The following PRH1 variants were observed in gnomAD, a reference collection of about 807,000 sequenced individuals.
PRH1 encodes salivary acidic proline-rich phosphoprotein 1/2.
Under a neutral mutation model 7.9 loss-of-function variants are expected in PRH1, and 7 were observed. The observed-to-expected ratio is 0.89, with a 90% CI of 0.50 to 1.67. PRH1 has a LOEUF of 1.67. PRH1 is among the 40% of genes most tolerant of loss of function. The probability of loss-of-function intolerance (pLI) is 0.00; values close to 1 mark genes in which losing one functional copy is unlikely to be tolerated. For synonymous variants in PRH1, 45 were observed against 80.8 expected (o/e 0.56, Z 2.38); for missense variants, 109 against 223.6 (o/e 0.49, Z 3.27).
intron 1 of PRH1, among the ~76,000 whole-genome samples, chr12:11,162,888 C>T (rs1947456764): frequency 6.6e-6 from 1 of 152,272 alleles, no homozygotes. Flanking sequence ...CTTCTTTAGC[C>T]TGAGTCAATC....
intron 1 of PRH1, among the ~76,000 whole-genome samples, chr12:11,114,198 A>T (rs1945668305): frequency 6.6e-6 from 1 of 152,228 alleles, no homozygotes; most frequent in Non-Finnish European, 1.5e-5. Context: ...ATAAAGACAC[A>T]TGCACATGTA....
At chr12:10,952,561 G>A (rs1456373907) in intron 2 of PRH1, among the ~76,000 whole-genome samples, 4 of 152,040 alleles carry the variant, frequency 2.6e-5, no homozygotes, top group Non-Finnish European at 5.9e-5. Flanking sequence ...AGACACTGTG[G>A]TAATTGCACT....
chr12:10,922,984 G>A (rs1303598963), intron 2 of PRH1, among the ~76,000 whole-genome samples: 8 of 148,946 alleles, frequency 5.4e-5, no homozygotes, highest in Non-Finnish European at 1.0e-4. Flanking sequence ...GCCCGCCACC[G>A]CGCCCGGCTA....
At chr12:10,911,813 C>A (rs1949904043) in intron 2 of PRH1, among the ~76,000 whole-genome samples, 1 of 152,126 alleles carries the variant, frequency 6.6e-6, no homozygotes, top group African/African-American at 2.4e-5. Context: ...AAAGTGCACA[C>A]TAATTTAAAA....
At chr12:11,073,828 G>A (rs1166023665) in intron 1 of PRH1, among the ~76,000 whole-genome samples, 1 of 152,184 alleles carries the variant, frequency 6.6e-6, no homozygotes, top group African/African-American at 2.4e-5. Context: ...GCCCGTAGGA[G>A]AGGAGAAAGC....
intron 1 of PRH1, among the ~76,000 whole-genome samples, chr12:10,980,677 C>T (rs1939310527): frequency 1.3e-5 from 2 of 151,884 alleles, no homozygotes; most frequent in Non-Finnish European, 2.9e-5. Context: ...AAAACAAGCC[C>T]GATTGATTAA....
chr12:11,112,774 C>G (rs1313628281), intron 1 of PRH1, among the ~76,000 whole-genome samples: 1 of 152,038 alleles, frequency 6.6e-6, no homozygotes, highest in Non-Finnish European at 1.5e-5. Flanking sequence ...CACTCCTGTT[C>G]AACATAGTAT....
At chr12:11,064,567 A>T (rs1943734982) in intron 1 of PRH1, among the ~76,000 whole-genome samples, 2 of 152,078 alleles carry the variant, frequency 1.3e-5, no homozygotes, top group Non-Finnish European at 2.9e-5. Flanking sequence ...GACATAGAAA[A>T]GTTTAAAAGA....
At chr12:11,138,050 T>C (rs1407959011) in intron 1 of PRH1, among the ~76,000 whole-genome samples, 2 of 152,188 alleles carry the variant, frequency 1.3e-5, no homozygotes, top group Non-Finnish European at 2.9e-5. Flanking sequence ...AAAACCAATG[T>C]ATTTTCAATG....
intron 2 of PRH1, among the ~76,000 whole-genome samples, chr12:10,893,455 A>C (rs1401941568): frequency 1.3e-5 from 2 of 152,186 alleles, no homozygotes; most frequent in African/African-American, 4.8e-5. Context: ...TATTTGCTTA[A>C]TCTGTTAACA....
At chr12:10,903,805 C>G (rs1012715016) in intron 2 of PRH1, among the ~76,000 whole-genome samples, 1 of 151,488 alleles carries the variant, frequency 6.6e-6, no homozygotes, top group African/African-American at 2.4e-5. Flanking sequence ...GCTCCTGGCA[C>G]AGATAAAGGA....
chr12:10,959,221 A>G (rs1345109388), intron 2 of PRH1, among the ~76,000 whole-genome samples: 1 of 152,138 alleles, frequency 6.6e-6, no homozygotes, highest in African/African-American at 2.4e-5. Context: ...AGAAGAGGGA[A>G]AGACTGTAGA....
chr12:10,941,107 C>A, intron 2 of PRH1, among the ~76,000 whole-genome samples: 1 of 152,054 alleles, frequency 6.6e-6, no homozygotes, highest in Non-Finnish European at 1.5e-5. Context: ...GGAAAGAAGA[C>A]AAAGAGAAAG....
intron 2 of PRH1, among the ~76,000 whole-genome samples, chr12:10,910,401 C>A (rs1017580749): frequency 1.3e-5 from 2 of 151,970 alleles, no homozygotes; most frequent in East Asian, 1.9e-4. Context: ...GCGGGAGGAC[C>A]GCTCGAGCCC....
chr12:11,151,374 T>C (rs1281736781), intron 1 of PRH1, among the ~76,000 whole-genome samples: 3 of 151,962 alleles, frequency 2.0e-5, no homozygotes, highest in African/African-American at 7.3e-5. Context: ...CTAGAAAATA[T>C]AGTTGAGAAA....
Position 11,020,363 on chromosome 12 carries a change from G to GATATATCTAT in PRH1, c.-126+26656_-126+26657insATAGATATAT, listed in dbSNP as rs1941545453. Among the ~76,000 whole-genome samples the GATATATCTAT allele has an allele frequency of 1.6e-4, 14 of 87,582 alleles. No individual in the cohort carries two copies. In the East Asian group the frequency reaches 0.028, roughly 175 times the overall value. 57.5% of individuals were successfully genotyped at this position (87,582 alleles called of 152,430 possible). A position where few individuals can be genotyped will look rare whatever the true frequency, so the allele number is the denominator to read the frequency against. On this transcript the variant is annotated intron_variant, in intron 1 of 3. Coordinates refer to the PRH1 transcript ENST00000539853. ...GTACTAGGGAGGACGTATGATAAGC[G>GATATATCTAT]ATATATATATATATATATATATATA...
chr12:10,938,150 C>G lies in PRH1; in HGVS notation c.-59+35505G>C, dbSNP rs1378100829. ...TGGATGGTGTTGATTCCAAGCATAT[C>G]TTTGTAAAATTCACAAAGTTATACA... On this transcript the variant is annotated intron_variant, in intron 2 of 3. Transcript: ENST00000539853. 2.0e-5 allele frequency: 15 copies of G among 768,284 alleles called. No homozygotes were observed. The East Asian group carries it at 3.6e-4, about 18-fold the overall frequency. 47.6% of individuals were successfully genotyped at this position (768,284 alleles called of 1,614,324 possible).
intron 1 of PRH1, among the ~76,000 whole-genome samples, chr12:11,046,175 A>G (rs1011569357): frequency 6.6e-6 from 1 of 152,186 alleles, no homozygotes; most frequent in East Asian, 1.9e-4. Flanking sequence ...AGAAACCAGA[A>G]TGGACAAGGA....
At chr12:10,926,746 T>C (rs1950129063) in intron 2 of PRH1, among the ~76,000 whole-genome samples, 2 of 152,146 alleles carry the variant, frequency 1.3e-5, no homozygotes, top group Admixed American at 1.3e-4. Flanking sequence ...GATAAGCTAA[T>C]GGGTAGTGCC....
Sources: gnomAD v4.1 joint callset for allele counts (sites outside exome capture counted in the v4.1 genomes callset) on GRCh38, gnomAD v4.1.1 for gene constraint, MANE v1.5 for transcripts, NCBI Gene and HGNC (gene_info 2026-07-23, HGNC 2026-07-21) for gene names.